The following CHD6 variants were observed in gnomAD, a reference collection of about 807,000 sequenced individuals.
CHD6 encodes chromodomain helicase DNA binding protein 6, also known as ATP-dependent chromatin remodeler CHD6.
In CHD6, 50 loss-of-function variants were observed where a neutral mutation model predicts 276.9. That is an observed-to-expected ratio of 0.18 (90% CI 0.14 to 0.23). The LOEUF (loss-of-function observed/expected upper bound fraction) is 0.23, where lower values mean the gene tolerates loss of function less well. CHD6 is among the 10% of genes least tolerant of loss of function. The pLI is 1.00. For synonymous variants in CHD6, 1,173 were observed against 1,229.3 expected, an observed-to-expected ratio of 0.95 and a Z score of 0.96; for missense variants, 2,564 against 3,365.8, an observed-to-expected ratio of 0.76 and a Z score of 5.89.
intron 3 of CHD6, among the ~76,000 whole-genome samples, chr20:41,521,860 C>T (rs189262943): frequency 6.6e-6 from 1 of 152,188 alleles, no homozygotes; most frequent in Non-Finnish European, 1.5e-5. Flanking sequence ...GCTTGAAGAG[C>T]TTTCGTTGCC....
intron 1 of CHD6, among the ~76,000 whole-genome samples, chr20:41,596,174 G>A (rs796407454): frequency 1.3e-5 from 2 of 152,180 alleles, no homozygotes; most frequent in Admixed American, 6.5e-5. Flanking sequence ...AAGCTCCAAC[G>A]AGAAATAGAA....
In CHD6 at chr20:41,420,861, C is replaced by A; in HGVS notation, c.5774G>T (p.Gly1925Val). 6.2e-7 allele frequency: 1 copy of A among 1,614,150 alleles called. No individual in the cohort carries two copies. The highest frequency in any genetic ancestry group is 8.5e-7 in the Non-Finnish European group (1 of 1,180,018). The change falls in exon 31 of 37, where the codon GGG (glycine) becomes GTG (valine). Residue 1925 changes from glycine to valine, a missense_variant. By Grantham distance (109) the Gly-to-Val change is moderately radical. Coordinates refer to ENST00000373233, the MANE Select transcript of CHD6 (RefSeq NM_032221.5). ...TGGAGCGGGGAAAGCCCTCTGTAGC[C>A]CAGGAGTCTGGTTTGCCACCTCTAA... ...GSLEVANQTP[G>V]LQRAFPAPAA...
At chr20:41,615,080 C>A (rs1438830305) in intron 1 of CHD6, among the ~76,000 whole-genome samples, 3 of 152,272 alleles carry the variant, frequency 2.0e-5, no homozygotes, top group East Asian at 1.9e-4. Context: ...TAAAAAAAAT[C>A]TTTAGAGAGA....
chr20:41,577,594 G>A (rs924003473), intron 1 of CHD6, among the ~76,000 whole-genome samples: 3 of 152,202 alleles, frequency 2.0e-5, no homozygotes, highest in Admixed American at 6.5e-5. Flanking sequence ...GACATGTAGT[G>A]TGTGTGTGTC....
At chr20:41,555,840 C>A (rs1229043472) in intron 1 of CHD6, among the ~76,000 whole-genome samples, 1 of 152,158 alleles carries the variant, frequency 6.6e-6, no homozygotes. Flanking sequence ...CCTCACTTCC[C>A]AGACGGGGTG....
intron 1 of CHD6, among the ~76,000 whole-genome samples, chr20:41,586,992 C>G (rs376016205): frequency 1.3e-5 from 2 of 152,042 alleles, no homozygotes; most frequent in African/African-American, 2.4e-5. Context: ...GAAAAAGGAA[C>G]AGAAGCCATA....
chr20:41,612,702 C>G (rs192162179), intron 1 of CHD6, among the ~76,000 whole-genome samples: 2 of 152,308 alleles, frequency 1.3e-5, no homozygotes, highest in African/African-American at 4.8e-5. Flanking sequence ...TCTTAGAATA[C>G]TGATAGTTTT....
At chr20:41,411,785 T>C (rs997180333) in intron 36 of CHD6, among the ~76,000 whole-genome samples, 1 of 152,156 alleles carries the variant, frequency 6.6e-6, no homozygotes, top group African/African-American at 2.4e-5. Flanking sequence ...AAAACCTAAA[T>C]TAGGAAATGA....
intron 1 of CHD6, among the ~76,000 whole-genome samples, chr20:41,571,338 C>T (rs1039726605): frequency 3.3e-5 from 5 of 151,014 alleles, no homozygotes; most frequent in Non-Finnish European, 7.4e-5. Context: ...GCTCTACTGA[C>T]GGCTTCAGAG....
At chr20:41,617,729 G>GT (rs2045947152) in intron 1 of CHD6, among the ~76,000 whole-genome samples, 1 of 151,988 alleles carries the variant, frequency 6.6e-6, no homozygotes, top group African/African-American at 2.4e-5. Context: ...GCGCTAGTGC[G>GT]TAAGAAGGGG....
intron 1 of CHD6, among the ~76,000 whole-genome samples, chr20:41,570,181 C>T (rs553352170): frequency 6.6e-6 from 1 of 152,302 alleles, no homozygotes; most frequent in South Asian, 2.1e-4. Flanking sequence ...GGTGGCAGTA[C>T]AAGCCCAGAC....
intron 30 of CHD6, among the ~76,000 whole-genome samples, chr20:41,422,448 G>A (rs1202670663): frequency 6.6e-5 from 10 of 151,896 alleles, no homozygotes; most frequent in Admixed American, 4.6e-4. Context: ...AGACCAGCCC[G>A]GGCAACAAAG....
At chr20:41,579,512 C>A (rs2045513666) in intron 1 of CHD6, among the ~76,000 whole-genome samples, 1 of 151,626 alleles carries the variant, frequency 6.6e-6, no homozygotes, top group South Asian at 2.1e-4. Flanking sequence ...CTAAGTCTGG[C>A]CACCGTCCAT....
chr20:41,578,657 C>A lies in CHD6; in HGVS notation c.-23-27297G>T, dbSNP rs541083105. Among the ~76,000 whole-genome samples the A allele has an allele frequency of 4.7e-5, 7 of 148,856 alleles. No individual in the cohort carries two copies. The South Asian group carries it at 1.5e-3, about 32-fold the overall frequency. On this transcript the variant is annotated intron_variant, in intron 1 of 36. Coordinates refer to ENST00000373233, the MANE Select transcript of CHD6 (RefSeq NM_032221.5). ...ATCGCACCACCACACTCCACTACAG[C>A]CCGGGCAACAGAGTGACAAAGTGAG... is the stretch of plus-strand genomic sequence containing the variant.
chr20:41,525,371 C>G (rs2044505856), intron 3 of CHD6, among the ~76,000 whole-genome samples: 1 of 152,220 alleles, frequency 6.6e-6, no homozygotes, highest in Admixed American at 6.5e-5. Context: ...CCTTAATCAG[C>G]CACCTCCGCT....
chr20:41,498,511 T>G (rs771233325), intron 6 of CHD6, among the ~76,000 whole-genome samples: 2 of 152,110 alleles, frequency 1.3e-5, no homozygotes, highest in Non-Finnish European at 2.9e-5. Context: ...ATGAGAAATG[T>G]CAGGACCAGA....
rs375109964 is a variant in CHD6, at chr20:41,487,812, C to T, written c.1858-4G>A. 2.3e-4 allele frequency: 364 copies of T among 1,606,806 alleles called. No individual in the cohort carries two copies. The highest frequency in any genetic ancestry group is 2.9e-4 in the Non-Finnish European group (345 of 1,178,272). On this transcript the variant is annotated splice_polypyrimidine_tract_variant and splice_region_variant and intron_variant, in intron 13 of 36. Transcript: ENST00000373233. ...CAGTGAGAAGCACTTTATGTTCCTG[C>T]GCAAATTAAACATACATGATGGACA...
At position 41,404,090 on chromosome 20, in the gene CHD6, T is replaced by C; in HGVS notation, c.*503A>G. 1.9e-6 allele frequency: 2 copies of C among 1,050,678 alleles called. No homozygotes were observed. The highest frequency in any genetic ancestry group is 2.3e-6 in the Non-Finnish European group (2 of 869,948). The allele number at this position is 1,050,678 out of a possible 1,614,324, so 65.1% of individuals were successfully genotyped here. ...GTCTATACTACTCACTTAGTAATCA[T>C]GATAAAATAGGGAAATATTTTAACT... On this transcript the variant is annotated 3_prime_UTR_variant, in exon 37 of 37. Transcript: ENST00000373233.
chr20:41,613,978 C>A (rs192323571), intron 1 of CHD6, among the ~76,000 whole-genome samples: 85 of 151,022 alleles, frequency 5.6e-4, no homozygotes, highest in Middle Eastern at 3.5e-3. Flanking sequence ...AACCTGAAGC[C>A]AGGCTTTTAC....
Sources: allele counts gnomAD v4.1 joint callset (sites outside exome capture counted in the v4.1 genomes callset), GRCh38; gene constraint gnomAD v4.1.1; transcripts MANE v1.5; gene names NCBI Gene and HGNC (gene_info 2026-07-23, HGNC 2026-07-21).